AZI2: variants seen among roughly 807,000 people sequenced by gnomAD.
AZI2 encodes 5-azacytidine-induced protein 2.
A neutral mutation model predicts 45.8 loss-of-function variants in AZI2; 22 were observed. That is an observed-to-expected ratio of 0.48 (90% CI 0.34 to 0.69). The LOEUF (loss-of-function observed/expected upper bound fraction) is 0.69, where lower values mean the gene tolerates loss of function less well. Ranked by LOEUF, AZI2 falls within the 30% of genes least tolerant of loss-of-function variation. The pLI, the probability that AZI2 is intolerant of heterozygous loss-of-function variation, is 0.01. For synonymous variants in AZI2, 137 were observed against 156.7 expected, an observed-to-expected ratio of 0.87 and a Z score of 0.94; for missense variants, 417 against 441.5, an observed-to-expected ratio of 0.94 and a Z score of 0.50.
Position 28,340,554 on chromosome 3 carries a change from T to C in AZI2, c.64A>G (p.Thr22Ala), listed in dbSNP as rs1298525850. The change falls in exon 2 of 8, where the codon ACA (threonine) becomes GCA (alanine). Residue 22 changes from threonine to alanine, a missense_variant. Transcript: ENST00000479665. ...LNHEKAHKRD[T>A]VTPVSIYSGD... ...GAATATATTGAAACTGGAGTCACTG[T>C]ATCTCTCTTATGGGCTTTTTCATGA... 5 of 1,613,286 alleles carry C rather than the reference T, an allele frequency of 3.1e-6. No individual in the cohort carries two copies. Among genetic ancestry groups the C allele is most frequent in the Non-Finnish European group, 4.2e-6 (5 of 1,179,476 alleles).
intron 6 of AZI2, among the ~76,000 whole-genome samples, chr3:28,329,217 T>C (rs557011369): frequency 2.0e-5 from 3 of 151,308 alleles, no homozygotes; most frequent in African/African-American, 7.2e-5. Context: ...ACCTACATTG[T>C]CACACCAACT....
intron 6 of AZI2, among the ~76,000 whole-genome samples, chr3:28,328,263 G>T (rs554781429): frequency 6.6e-6 from 1 of 151,156 alleles, no homozygotes; most frequent in East Asian, 1.9e-4. Flanking sequence ...TTGCTACAAT[G>T]AATGTTTCAC....
intron 5 of AZI2, among the ~76,000 whole-genome samples, chr3:28,332,633 A>G (rs1052352813): frequency 1.3e-5 from 2 of 151,762 alleles, no homozygotes; most frequent in Admixed American, 6.6e-5. Flanking sequence ...GGTTTAAAGT[A>G]TTAATGCTTT....
chr3:28,345,977 C>A (rs1274289823), intron 1 of AZI2, among the ~76,000 whole-genome samples: 2 of 152,058 alleles, frequency 1.3e-5, no homozygotes, highest in Non-Finnish European at 2.9e-5. Flanking sequence ...ATGCATTTTT[C>A]TACCACTTAG....
chr3:28,328,902 C>G, intron 6 of AZI2, among the ~76,000 whole-genome samples: 1 of 151,262 alleles, frequency 6.6e-6, no homozygotes, highest in Middle Eastern at 3.4e-3. Context: ...TTGGAAAAGG[C>G]AAGTTGTCAT....
In AZI2 at chr3:28,324,185, C is replaced by T; in HGVS notation, c.1036G>A (p.Asp346Asn). ...GGACTTGGAAATACCCAGGAATTGT[C>T]TTCCAGAGAATTTCTGCCATAAGAA... is the stretch of plus-strand genomic sequence containing the variant. The part of the protein sequence containing the change: ...HSSYGRNSLE[D>N]NSWVFPSPPK... Residue 346 changes from aspartate to asparagine, a missense_variant, in exon 8 of 8, where the codon GAC becomes AAC. By Grantham distance (23) the Asp-to-Asn change is conservative (BLOSUM62 1). Transcript: ENST00000479665. 1 of 1,610,768 alleles carries T rather than the reference C, an allele frequency of 6.2e-7. No homozygotes were observed. Among genetic ancestry groups the T allele is most frequent in the Non-Finnish European group, 8.5e-7 (1 of 1,177,652 alleles).
intron 7 of AZI2, chr3:28,325,207 A>G (rs1457276289): frequency 1.3e-5 from 2 of 150,244 alleles, no homozygotes; most frequent in Non-Finnish European, 3.0e-5. Context: ...AAAAGCTATT[A>G]TTTCACCACA....
chr3:28,332,888 ACATCAGC>A (rs1449466258), intron 5 of AZI2, among the ~76,000 whole-genome samples: 1 of 151,820 alleles, frequency 6.6e-6, no homozygotes, highest in African/African-American at 2.4e-5. Context: ...CTGTTGTAAA[ACATCAGC>A]ATACATTTCC....
intron 1 of AZI2, among the ~76,000 whole-genome samples, chr3:28,347,526 A>G (rs1704300062): frequency 6.6e-6 from 1 of 152,196 alleles, no homozygotes; most frequent in Non-Finnish European, 1.5e-5. Flanking sequence ...GGTGCCTTAG[A>G]GTATGTATTA....
chr3:28,333,936 C>T (rs1703688426), intron 5 of AZI2, among the ~76,000 whole-genome samples: 1 of 151,250 alleles, frequency 6.6e-6, no homozygotes, highest in African/African-American at 2.4e-5. Context: ...TAGACGTCTT[C>T]TAAACCAACT....
chr3:28,341,628 C>A (rs1244244801), intron 1 of AZI2: 2 of 151,988 alleles, frequency 1.3e-5, no homozygotes, highest in African/African-American at 4.8e-5. Flanking sequence ...GAAACTGTGG[C>A]TAAAACCTTT....
At position 28,323,964 on chromosome 3, in the gene AZI2, AGTTT is replaced by A. The variant is rs1212914502; in HGVS notation, c.*74_*77del. ...AAAATTTTAATCAAAATCTCCTTTC[AGTTT>A]GTTAAATAATTTCTTGGGAGGACCA... On this transcript the variant is annotated 3_prime_UTR_variant, in exon 8 of 8. Coordinates refer to ENST00000479665, the MANE Select transcript of AZI2 (RefSeq NM_022461.5). 1.4e-6 allele frequency: 2 copies of A among 1,451,210 alleles called. No individual in the cohort carries two copies. The highest frequency in any genetic ancestry group is 2.9e-5 in the African/African-American group (2 of 69,860). 89.9% of individuals were successfully genotyped at this position (1,451,210 alleles called of 1,614,324 possible). A position where few individuals can be genotyped will look rare whatever the true frequency, so the allele number is the denominator to read the frequency against.
intron 1 of AZI2, among the ~76,000 whole-genome samples, chr3:28,346,569 T>C (rs1230180916): frequency 7.0e-6 from 1 of 143,380 alleles, no homozygotes; most frequent in African/African-American, 2.5e-5. Flanking sequence ...AACTGAAGTT[T>C]GAATCAAGGC....
At position 28,324,426 on chromosome 3, in the gene AZI2, G is replaced by T; in HGVS notation, c.795C>A (p.Asp265Glu). ...KACAPVGCSE[D>E]LGRDSTKLHL... ...GCAGTTTTGTGCTGTCTCTTCCAAGGTCTTCACTGCATCCTACAGGGGCAC... is the reference window on the plus strand; with the variant it reads ...GCAGTTTTGTGCTGTCTCTTCCAAGTTCTTCACTGCATCCTACAGGGGCAC... Residue 265 changes from aspartate (D) to glutamate (E), a missense_variant, in exon 8 of 8, where the codon GAC becomes GAA. Coordinates refer to ENST00000479665, the MANE Select transcript of AZI2 (RefSeq NM_022461.5). 6.6e-7 allele frequency: 1 copy of T among 1,518,564 alleles called. No homozygotes were observed. Among genetic ancestry groups the T allele is most frequent in the South Asian group, 1.3e-5 (1 of 75,252 alleles). 94.1% of individuals were successfully genotyped at this position (1,518,564 alleles called of 1,614,324 possible). A position where few individuals can be genotyped will look rare whatever the true frequency, so the allele number is the denominator to read the frequency against.
At chr3:28,327,024 A>G (rs1703415424) in intron 6 of AZI2, 74 bp from the exon 7 acceptor site, 2 of 1,027,554 alleles carry the variant, frequency 1.9e-6, no homozygotes, top group African/African-American at 3.3e-5. Flanking sequence ...CTTTAGAAAT[A>G]TGCAGATCAA....
chr3:28,321,501 T>C lies in AZI2; in HGVS notation c.*2541A>G, dbSNP rs189142646. 2.4e-4 allele frequency: 36 copies of C among 151,550 alleles called. No individual in the cohort carries two copies. The highest frequency in any genetic ancestry group is 4.4e-4 in the Non-Finnish European group (30 of 67,562). 9.4% of individuals were successfully genotyped at this position (151,550 alleles called of 1,614,324 possible). ...TTCATTGTAGCCTTCAGAATACCCA[T>C]GTGTATCCATACTGAAGATTTTTTT... is the stretch of plus-strand genomic sequence containing the variant. On this transcript the variant is annotated 3_prime_UTR_variant, in exon 8 of 8. Coordinates refer to ENST00000479665, the MANE Select transcript of AZI2 (RefSeq NM_022461.5).
rs1214335299 is a variant in AZI2, at chr3:28,338,591, T to G, written c.241A>C (p.Thr81Pro). 1 of 1,610,442 alleles carries G rather than the reference T, an allele frequency of 6.2e-7. No individual in the cohort carries two copies. The highest frequency in any genetic ancestry group is 1.3e-5 in the African/African-American group (1 of 74,886). The change falls in exon 3 of 8, where the codon ACA becomes CCA. Residue 81 changes from threonine to proline, a missense_variant. Thr to Pro is a conservative substitution (Grantham distance 38). Transcript: ENST00000479665. ...EKLIARFEEE[T>P]SSVGREQVNK... Reference sequence around the variant, plus strand: ...ACTTGTTCTCGTCCCACGGAACTTGTTTCTTCTTCAAATCGAGCTATTAGC... The same window carrying G: ...ACTTGTTCTCGTCCCACGGAACTTGGTTCTTCTTCAAATCGAGCTATTAGC...
In AZI2 at chr3:28,335,761, G is replaced by T. The variant is rs190923847; in HGVS notation, c.588+976C>A. ...AGGGCAGAATCTGGAAAGCAGTCAG[G>T]AAGTATGGGATGGAGTTCCCCTTTC... On this transcript the variant is annotated intron_variant, in intron 5 of 7. Transcript: ENST00000479665. Among the ~76,000 whole-genome samples the T allele has an allele frequency of 9.3e-4, 141 of 152,122 alleles. 1 individual carries two copies. Among genetic ancestry groups the T allele is most frequent in the Non-Finnish European group, 7.1e-4 (48 of 67,966 alleles).
In AZI2 at chr3:28,323,814, T is replaced by C. The variant is rs180685088; in HGVS notation, c.*228A>G. ...CCTTAAGTTTACTTATTAATTAGTATAGTAGCATATTTCAGATTCTTAGAA... is the reference window on the plus strand; with the variant it reads ...CCTTAAGTTTACTTATTAATTAGTACAGTAGCATATTTCAGATTCTTAGAA... On this transcript the variant is annotated 3_prime_UTR_variant, in exon 8 of 8. Coordinates refer to ENST00000479665, the MANE Select transcript of AZI2 (RefSeq NM_022461.5). The C allele has an allele frequency of 1.1e-4, 44 of 411,106 alleles. No individual in the cohort carries two copies. The highest frequency in any genetic ancestry group is 8.6e-4 in the East Asian group (24 of 27,818). The allele number at this position is 411,106 out of a possible 1,614,324, so 25.5% of individuals were successfully genotyped here.
Sources: allele counts gnomAD v4.1 joint callset (sites outside exome capture counted in the v4.1 genomes callset), GRCh38; gene constraint gnomAD v4.1.1; transcripts MANE v1.5; gene names NCBI Gene and HGNC (gene_info 2026-07-23, HGNC 2026-07-21).